EPHA7: variants seen among roughly 807,000 people sequenced by gnomAD.
EPHA7 encodes ephrin type-A receptor 7.
Under a neutral mutation model 112.6 loss-of-function variants are expected in EPHA7, and 25 were observed. That is an observed-to-expected ratio of 0.22 (90% CI 0.16 to 0.31). The LOEUF is 0.31. EPHA7 is among the 10% of genes least tolerant of loss of function. EPHA7 has a pLI of 1.00. For missense variants in EPHA7, 962 were observed against 1,212.6 expected (o/e 0.79, Z 3.07); for synonymous variants, 437 against 406.5 (o/e 1.07, Z -0.90).
At chr6:93,318,293 A>T (rs1308358239) in intron 5 of EPHA7, among the ~76,000 whole-genome samples, 2 of 152,054 alleles carry the variant, frequency 1.3e-5, no homozygotes, top group African/African-American at 4.8e-5. Flanking sequence ...ATTGGCCTGC[A>T]TGTCTCCATA....
chr6:93,361,656 C>T (rs1318589904), intron 3 of EPHA7, among the ~76,000 whole-genome samples: 1 of 152,024 alleles, frequency 6.6e-6, no homozygotes, highest in Non-Finnish European at 1.5e-5. Flanking sequence ...CTGGAAACTA[C>T]TAGTAAAAAG....
At chr6:93,362,316 C>A (rs1227056350) in intron 3 of EPHA7, among the ~76,000 whole-genome samples, 2 of 151,922 alleles carry the variant, frequency 1.3e-5, no homozygotes, top group African/African-American at 4.8e-5. Context: ...TATTACAACA[C>A]ATTAAGTCAT....
intron 5 of EPHA7, among the ~76,000 whole-genome samples, chr6:93,314,563 C>A (rs1178541965): frequency 6.6e-6 from 1 of 152,064 alleles, no homozygotes; most frequent in African/African-American, 2.4e-5. Flanking sequence ...AGCAACAAGA[C>A]CACCTTACAG....
At chr6:93,314,145 ATT>A (rs1303638846) in intron 5 of EPHA7, among the ~76,000 whole-genome samples, 10 of 151,728 alleles carry the variant, frequency 6.6e-5, no homozygotes, top group African/African-American at 1.9e-4. Context: ...TTTATAAGGT[ATT>A]AGTTCTACTT....
At chr6:93,269,081 C>G (rs773027075) in intron 7 of EPHA7, among the ~76,000 whole-genome samples, 34 of 151,668 alleles carry the variant, frequency 2.2e-4, no homozygotes, top group South Asian at 1.5e-3. Context: ...TCTTGTCCAC[C>G]TCACTACACA....
rs748084451 is a variant in EPHA7 at position 93,272,283 on chromosome 6, G to C, written c.1449+15C>G. The C allele has an allele frequency of 6.2e-7, 1 of 1,610,816 alleles. No individual in the cohort carries two copies. Among genetic ancestry groups the C allele is most frequent in the Non-Finnish European group, 8.5e-7 (1 of 1,177,804 alleles). ...ACACAGCACATTGTACATTTCAGTTGCTCTTAGCACTTACTTTCTCGTAAT... is the reference window on the plus strand; with the variant it reads ...ACACAGCACATTGTACATTTCAGTTCCTCTTAGCACTTACTTTCTCGTAAT... On this transcript the variant is annotated intron_variant, in intron 6 of 16. Coordinates refer to ENST00000369303, the MANE Select transcript of EPHA7 (RefSeq NM_004440.4).
intron 5 of EPHA7, among the ~76,000 whole-genome samples, chr6:93,311,114 A>ATT (rs71542009): frequency 0.02 from 1,601 of 78,422 alleles, 139 homozygotes; most frequent in Non-Finnish European, 0.029. Context: ...ATGCCCAGCT[A>ATT]TTTTTTTTTT....
rs142457244 is a variant in EPHA7 at position 93,300,698 on chromosome 6, A to G, written c.1325-28276T>C. On this transcript the variant is annotated intron_variant, in intron 5 of 16. Coordinates refer to ENST00000369303, the MANE Select transcript of EPHA7 (RefSeq NM_004440.4). ...CAATAAATATTTCAGATTTATTTAG[A>G]TATGTTAGATAACATAAGGGGAATA... 9.6e-3 allele frequency among the ~76,000 whole-genome samples: 1,459 copies of G among 152,262 alleles called. 26 individuals are homozygous for G. Among genetic ancestry groups the G allele is most frequent in the African/African-American group, 0.033 (1,378 of 41,562 alleles).
intron 3 of EPHA7, among the ~76,000 whole-genome samples, chr6:93,371,458 C>A (rs1206090723): frequency 1.3e-5 from 2 of 152,104 alleles, no homozygotes; most frequent in Non-Finnish European, 2.9e-5. Flanking sequence ...ACTTAAGCAT[C>A]TGTGGATGCT....
chr6:93,404,762 C>G (rs1355088020), intron 3 of EPHA7, among the ~76,000 whole-genome samples: 1 of 151,444 alleles, frequency 6.6e-6, no homozygotes. Flanking sequence ...TAACACCTCC[C>G]TTTAAGGTTA....
At chr6:93,253,147 T>C (rs1770289719) in intron 14 of EPHA7, among the ~76,000 whole-genome samples, 1 of 151,984 alleles carries the variant, frequency 6.6e-6, no homozygotes, top group Non-Finnish European at 1.5e-5. Flanking sequence ...ATGTAAATAT[T>C]TCTCTTTCTC....
chr6:93,256,120 A>G, intron 12 of EPHA7, 83 bp from the exon 13 acceptor site: 4 of 1,240,386 alleles, frequency 3.2e-6, no homozygotes, highest in Non-Finnish European at 4.6e-6. Context: ...TCTGCGTGCT[A>G]GCAATTTGCT....
At chr6:93,352,817 T>C (rs1044955542) in intron 5 of EPHA7, among the ~76,000 whole-genome samples, 1 of 152,062 alleles carries the variant, frequency 6.6e-6, no homozygotes, top group African/African-American at 2.4e-5. Flanking sequence ...GCATTATCCT[T>C]AGCAAACTAA....
At chr6:93,318,726 G>GA (rs921552106) in intron 5 of EPHA7, among the ~76,000 whole-genome samples, 1 of 151,784 alleles carries the variant, frequency 6.6e-6, no homozygotes, top group African/African-American at 2.4e-5. Context: ...TAGTTTTTAT[G>GA]AAAAAATAAC....
intron 5 of EPHA7, among the ~76,000 whole-genome samples, chr6:93,335,503 A>T (rs1428157957): frequency 6.6e-6 from 1 of 152,082 alleles, no homozygotes; most frequent in Non-Finnish European, 1.5e-5. Context: ...AATACTTTTT[A>T]AAAAGTGAAA....
At chr6:93,244,240 C>G (rs1279509483) in intron 16 of EPHA7, among the ~76,000 whole-genome samples, 2 of 152,158 alleles carry the variant, frequency 1.3e-5, no homozygotes, top group East Asian at 3.9e-4. Flanking sequence ...TTTTTCATGG[C>G]AGTGACTGAG....
intron 1 of EPHA7, among the ~76,000 whole-genome samples, chr6:93,417,372 G>A (rs989739353): frequency 6.6e-6 from 1 of 152,074 alleles, no homozygotes; most frequent in Non-Finnish European, 1.5e-5. Flanking sequence ...AGGCGTCGCC[G>A]CCTAGAAGCC....
chr6:93,267,096 T>C (rs1451738770), intron 7 of EPHA7, among the ~76,000 whole-genome samples: 1 of 151,802 alleles, frequency 6.6e-6, no homozygotes, highest in Non-Finnish European at 1.5e-5. Context: ...ATAAAATGTT[T>C]GTGTGTTCTT....
At chr6:93,324,831 G>A (rs1156493978) in intron 5 of EPHA7, among the ~76,000 whole-genome samples, 1 of 151,490 alleles carries the variant, frequency 6.6e-6, no homozygotes, top group African/African-American at 2.4e-5. Context: ...CCTTGGCCAG[G>A]AAGCTGAGTA....
Sources: allele counts gnomAD v4.1 joint callset (sites outside exome capture counted in the v4.1 genomes callset), GRCh38; gene constraint gnomAD v4.1.1; transcripts MANE v1.5; gene names NCBI Gene and HGNC (gene_info 2026-07-23, HGNC 2026-07-21).